The following GARRE1 variants were observed in gnomAD, a reference collection of about 807,000 sequenced individuals.
GARRE1 encodes the protein granule associated Rac and RHOG effector protein 1.
Under a neutral mutation model 103.2 loss-of-function variants are expected in GARRE1, and 49 were observed. The observed-to-expected ratio is 0.47, with a 90% CI of 0.38 to 0.60. The LOEUF is 0.60. Ranked by LOEUF, GARRE1 falls within the 20% of genes least tolerant of loss-of-function variation. GARRE1 has a pLI of 0.00. For synonymous variants in GARRE1, 505 were observed against 532.8 expected, an observed-to-expected ratio of 0.95 and a Z score of 0.72; for missense variants, 1,199 against 1,370.5, an observed-to-expected ratio of 0.87 and a Z score of 1.98.
chr19:34,337,811 T>G (rs533246318), intron 8 of GARRE1, among the ~76,000 whole-genome samples: 1 of 152,248 alleles, frequency 6.6e-6, no homozygotes, highest in Non-Finnish European at 1.5e-5. Flanking sequence ...GCTGTAGTAC[T>G]CTTTTCTACA....
rs780705313 is a variant in GARRE1 at position 34,341,765 on chromosome 19, A to C, written c.1831A>C (p.Ser611Arg). 11 of 1,614,096 alleles carry C rather than the reference A, an allele frequency of 6.8e-6. No homozygotes were observed. In the South Asian group the frequency reaches 1.2e-4, roughly 18 times the overall value. Residue 611 changes from serine (S) to arginine (R), a missense_variant, in exon 10 of 14, where the codon AGT (serine) becomes CGT (arginine). By Grantham distance (110) the Ser-to-Arg change is moderately radical. Transcript: ENST00000299505. ...TDPSQSAQNSSNTVANGFLME... is the reference protein window; with the variant it reads ...TDPSQSAQNSRNTVANGFLME... The stretch of plus-strand genomic sequence containing the variant: ...CCCTTCACAGTCAGCTCAGAATTCC[A>C]GTAATACAGTGGCCAATGGCTTTCT...
chr19:34,280,947 T>C (rs1020714539), intron 1 of GARRE1, among the ~76,000 whole-genome samples: 4 of 151,996 alleles, frequency 2.6e-5, no homozygotes, highest in African/African-American at 7.2e-5. Context: ...TTTTTTTTTT[T>C]AGTAGAACTA....
At position 34,330,315 on chromosome 19, in the gene GARRE1, G is replaced by T. The variant is rs772480888; in HGVS notation, c.1231G>T (p.Ala411Ser). Residue 411 changes from alanine to serine, a missense_variant, in exon 7 of 14, where the codon GCG becomes TCG. By Grantham distance (99) the Ala-to-Ser change is moderately conservative. Transcript: ENST00000299505. ...PSTWRGACKT[A>S]VQLLFGQAGL... is the part of the protein sequence containing the mutation. ...CACATGGCGAGGTGCCTGCAAGACG[G>T]CGGTGCAGCTGCTGTTTGGCCAGGC... The T allele has an allele frequency of 6.2e-7, 1 of 1,614,206 alleles. No individual in the cohort carries two copies. Among genetic ancestry groups the T allele is most frequent in the Admixed American group, 1.7e-5 (1 of 60,020 alleles).
intron 1 of GARRE1, among the ~76,000 whole-genome samples, chr19:34,259,441 A>G (rs997449810): frequency 6.6e-6 from 1 of 152,212 alleles, no homozygotes; most frequent in African/African-American, 2.4e-5. Context: ...TGGAGTACCT[A>G]CAGTACAGCC....
rs1305440689 is a variant in GARRE1 at position 34,272,856 on chromosome 19, T to G, written c.-796+18242T>G. ...TGTGGTGAGAACATGAAGAACTCAC[T>G]TCATCTTATTAGATGCCTCACCTAC... On this transcript the variant is annotated intron_variant, in intron 1 of 13. Coordinates refer to ENST00000299505, the MANE Select transcript of GARRE1 (RefSeq NM_014686.5). 2.6e-5 allele frequency among the ~76,000 whole-genome samples: 4 copies of G among 152,214 alleles called. No individual in the cohort carries two copies. In the East Asian group the frequency reaches 7.7e-4, roughly 29 times the overall value.
chr19:34,307,792 TAAAAAAAAA>T lies in GARRE1; in HGVS notation c.495+6826_495+6834del, dbSNP rs148017219. ...TATATACTATAAAATATATATACTA[TAAAAAAAAA>T]ATATATATATATATTTTTTTTTTTT... On this transcript the variant is annotated intron_variant, in intron 2 of 13. Transcript: ENST00000299505. 2.8e-5 allele frequency among the ~76,000 whole-genome samples: 3 copies of T among 109,082 alleles called. No individual in the cohort carries two copies. In the East Asian group the frequency reaches 6.6e-4, roughly 24 times the overall value. 71.6% of individuals were successfully genotyped at this position (109,082 alleles called of 152,430 possible).
At chr19:34,316,663 C>T (rs972636634) in intron 2 of GARRE1, among the ~76,000 whole-genome samples, 11 of 152,186 alleles carry the variant, frequency 7.2e-5, no homozygotes, top group African/African-American at 2.7e-4. Context: ...CAGCTGTTTC[C>T]AAGGTCCAGC....
chr19:34,273,762 G>A (rs1043647037), intron 1 of GARRE1, among the ~76,000 whole-genome samples: 7 of 152,168 alleles, frequency 4.6e-5, no homozygotes, highest in Non-Finnish European at 7.3e-5. Context: ...AAGAAGTGAT[G>A]CCTAAGTTAG....
chr19:34,263,433 T>C (rs924422340), intron 1 of GARRE1, among the ~76,000 whole-genome samples: 9 of 152,024 alleles, frequency 5.9e-5, no homozygotes, highest in African/African-American at 2.2e-4. Context: ...GCATACCATT[T>C]TGTATGGTGT....
In GARRE1 at chr19:34,327,491, GT is replaced by G. The variant is rs1259392133; in HGVS notation, c.778del (p.Ser260LeufsTer11). 6.2e-7 allele frequency: 1 copy of G among 1,613,970 alleles called. No homozygotes were observed. The highest frequency in any genetic ancestry group is 8.5e-7 in the Non-Finnish European group (1 of 1,179,984). On this transcript the variant is annotated frameshift_variant, in exon 4 of 14. Transcript: ENST00000299505. LOFTEE classifies it high-confidence loss of function. ...GGAATTGAAGTTCAACAACTCTTTT[GT>G]TCTCAAAGTGCAGCAATTCCTGAGC... ...LAGIEVQQLF[C>X]SQSAAIPEHQ...
chr19:34,328,527 T>TAA (rs71165650), intron 6 of GARRE1, among the ~76,000 whole-genome samples: 1 of 143,234 alleles, frequency 7.0e-6, no homozygotes, highest in African/African-American at 2.6e-5. Context: ...AACTCTGTCT[T>TAA]AAAAAAAAAA....
chr19:34,347,729 C>T (rs1019185242), intron 10 of GARRE1, 148 bp from the exon 11 acceptor site: 6 of 682,496 alleles, frequency 8.8e-6, no homozygotes, highest in Non-Finnish European at 1.3e-5. Flanking sequence ...GTGCTGGGCA[C>T]AGCCTACAGC....
chr19:34,304,630 G>A (rs570456058), intron 2 of GARRE1, among the ~76,000 whole-genome samples: 2 of 151,724 alleles, frequency 1.3e-5, no homozygotes, highest in African/African-American at 4.8e-5. Context: ...CACCTACCTC[G>A]GCCTTCCAAA....
chr19:34,337,721 G>C (rs762743516), intron 8 of GARRE1, among the ~76,000 whole-genome samples: 3 of 152,224 alleles, frequency 2.0e-5, no homozygotes, highest in Non-Finnish European at 4.4e-5. Context: ...TTATTGATCA[G>C]CTCAAGGCTG....
At chr19:34,291,598 T>C (rs1321550595) in intron 1 of GARRE1, among the ~76,000 whole-genome samples, 2 of 152,200 alleles carry the variant, frequency 1.3e-5, no homozygotes, top group Admixed American at 6.5e-5. Context: ...GTTGAACTTC[T>C]GTAACAGATT....
intron 12 of GARRE1, 95 bp from the exon 13 acceptor site, chr19:34,351,419 C>A: frequency 1.0e-6 from 1 of 956,132 alleles, no homozygotes; most frequent in Non-Finnish European, 1.7e-6. Flanking sequence ...AGAACCAGGG[C>A]CTGGAGATGC....
At chr19:34,254,960 C>T (rs2073661769) in intron 1 of GARRE1, among the ~76,000 whole-genome samples, 1 of 151,592 alleles carries the variant, frequency 6.6e-6, no homozygotes, top group Non-Finnish European at 1.5e-5. Flanking sequence ...CCTCGGTTCG[C>T]CGGGGCCCGG....
chr19:34,306,333 G>A (rs2074007367), intron 2 of GARRE1, among the ~76,000 whole-genome samples: 1 of 152,224 alleles, frequency 6.6e-6, no homozygotes, highest in Non-Finnish European at 1.5e-5. Context: ...TAAGAGTTAG[G>A]ACAAAGGATG....
chr19:34,328,106 C>T lies in GARRE1; in HGVS notation c.1059C>T (p.Gly353=), dbSNP rs745573750. Residue 353 remains glycine (G), a synonymous_variant, in exon 6 of 14, where the codon GGC becomes GGT. Coordinates refer to ENST00000299505, the MANE Select transcript of GARRE1 (RefSeq NM_014686.5). ...AGATAGGATCGCACTTCCTGAAGGGCGTCTCCTTTAATGAGTCGGCCGCCG... is the reference window on the plus strand; with the variant it reads ...AGATAGGATCGCACTTCCTGAAGGGTGTCTCCTTTAATGAGTCGGCCGCCG... ...PVQIGSHFLK[G]VSFNESAADN... 3.2e-5 allele frequency: 51 copies of T among 1,613,996 alleles called. 1 individual carries two copies. Among genetic ancestry groups the T allele is most frequent in the Middle Eastern group, 3.3e-4 (2 of 6,078 alleles).
Sources: allele counts gnomAD v4.1 joint callset (sites outside exome capture counted in the v4.1 genomes callset), GRCh38; gene constraint gnomAD v4.1.1; transcripts MANE v1.5; gene names NCBI Gene and HGNC (gene_info 2026-07-23, HGNC 2026-07-21).